The following KMT2C variants were observed in gnomAD, a reference collection of about 807,000 sequenced individuals.
KMT2C encodes lysine methyltransferase 2C.
A neutral mutation model predicts 507.9 loss-of-function variants in KMT2C; 88 were observed. That is an observed-to-expected ratio of 0.17 (90% confidence interval 0.15 to 0.21). The LOEUF is 0.21. Among genes scored for constraint, KMT2C ranks in the 10% least tolerant of loss-of-function variants. The pLI, the probability that KMT2C is intolerant of heterozygous loss-of-function variation, is 1.00. For missense variants in KMT2C, 4,954 were observed against 5,957.8 expected (o/e 0.83, Z 5.55); for synonymous variants, 2,049 against 2,080.8 (o/e 0.98, Z 0.42).
chr7:152,325,349 A>G (rs899169532), intron 3 of KMT2C, among the ~76,000 whole-genome samples: 2 of 151,942 alleles, frequency 1.3e-5, no homozygotes, highest in African/African-American at 2.4e-5. Flanking sequence ...GGGTTTCACC[A>G]TGTTGGCCAG....
intron 1 of KMT2C, among the ~76,000 whole-genome samples, chr7:152,417,934 G>A (rs1159964547): frequency 5.7e-5 from 7 of 122,782 alleles, no homozygotes; most frequent in African/African-American, 7.1e-5. Flanking sequence ...GAGCCACCGC[G>A]CCCACCCTCT....
chr7:152,181,828 G>A lies in KMT2C; in HGVS notation c.6032C>T (p.Ser2011Phe), dbSNP rs1236095935. ...TCTTTGAAACACATCTGCCCTAGGA[G>A]ATGGTTTAGTAAAGTGATCACTGGT... ...AGTSDHFTKP[S>F]PRADVFQRQR... The change falls in exon 36 of 59, where the codon TCT becomes TTT. Residue 2011 changes from serine (S) to phenylalanine (F), a missense_variant. Around this residue, in one of 29 missense-constraint regions of KMT2C, gnomAD observed 1,689 missense variants for 1,654.3 expected, o/e 1.02. Transcript: ENST00000262189. The A allele has an allele frequency of 2.5e-6, 4 of 1,614,044 alleles. No homozygotes were observed. Among genetic ancestry groups the A allele is most frequent in the Non-Finnish European group, 3.4e-6 (4 of 1,180,038 alleles).
rs770862873 is a variant in KMT2C at position 152,358,666 on chromosome 7, ACTT to A, written c.168_170del (p.Ser57del). On this transcript the variant is annotated inframe_deletion, in exon 2 of 59. Transcript: ENST00000262189. ...CATCTTCCACTGCAGTTTTCCCCCT[ACTT>A]CGAGGTCTACAGAAAAAAAAAAAAA... 1 of 1,591,242 alleles carries A rather than the reference ACTT, an allele frequency of 6.3e-7. No individual in the cohort carries two copies. Among genetic ancestry groups the A allele is most frequent in the South Asian group, 1.1e-5 (1 of 88,434 alleles).
intron 3 of KMT2C, among the ~76,000 whole-genome samples, chr7:152,315,847 A>G (rs2096718211): frequency 6.6e-6 from 1 of 152,112 alleles, no homozygotes; most frequent in Non-Finnish European, 1.5e-5. Context: ...CGGGAGGTAG[A>G]GGTTGTAGTA....
At chr7:152,263,855 C>T (rs113317719) in intron 8 of KMT2C, among the ~76,000 whole-genome samples, 1 of 152,064 alleles carries the variant, frequency 6.6e-6, no homozygotes, top group Admixed American at 6.5e-5. Flanking sequence ...TGACTATAAT[C>T]ACTTTCAGAT....
At chr7:152,398,405 T>G (rs1290802286) in intron 1 of KMT2C, among the ~76,000 whole-genome samples, 12 of 152,126 alleles carry the variant, frequency 7.9e-5, no homozygotes, top group Non-Finnish European at 1.5e-4. Flanking sequence ...CGATATAAAT[T>G]AAATGATCCC....
intron 52 of KMT2C, among the ~76,000 whole-genome samples, chr7:152,147,567 C>CATG (rs1229397826): frequency 4.6e-5 from 7 of 151,610 alleles, no homozygotes; most frequent in Non-Finnish European, 5.9e-5. Flanking sequence ...ATTAGCCGGG[C>CATG]ATGGTAGCGC....
intron 6 of KMT2C, among the ~76,000 whole-genome samples, chr7:152,309,581 G>A (rs563992825): frequency 4.3e-5 from 6 of 138,310 alleles, no homozygotes; most frequent in Non-Finnish European, 7.6e-5. Flanking sequence ...GTGCAATGGC[G>A]CAATCTTGGC....
At chr7:152,316,286 C>T (rs2096722372) in intron 3 of KMT2C, among the ~76,000 whole-genome samples, 1 of 152,044 alleles carries the variant, frequency 6.6e-6, no homozygotes, top group Non-Finnish European at 1.5e-5. Context: ...ATAATGTATC[C>T]ATATTGGTTT....
At chr7:152,309,761 TCCAC>T (rs1421662783) in intron 6 of KMT2C, among the ~76,000 whole-genome samples, 1 of 152,038 alleles carries the variant, frequency 6.6e-6, no homozygotes, top group Non-Finnish European at 1.5e-5. Flanking sequence ...CATCAAGTGA[TCCAC>T]CCACCTCGGC....
chr7:152,151,456 T>A lies in KMT2C; in HGVS notation c.12652A>T (p.Thr4218Ser). The change falls in exon 50 of 59, where the codon ACC becomes TCC. Residue 4218 changes from threonine to serine, a missense_variant. Transcript: ENST00000262189. ...SGVRKSFKDL[T>S]LLNKDSREST... The stretch of plus-strand genomic sequence containing the variant: ...TAGCAAAGTACCTTGTTCAAAAGGG[T>A]CAGATCTTTGAAAGATTTCCGCACA... 1 of 1,614,034 alleles carries A rather than the reference T, an allele frequency of 6.2e-7. No individual in the cohort carries two copies. The highest frequency in any genetic ancestry group is 1.3e-5 in the African/African-American group (1 of 75,038).
intron 1 of KMT2C, among the ~76,000 whole-genome samples, chr7:152,428,775 A>G (rs752842894): frequency 2.0e-5 from 3 of 152,154 alleles, no homozygotes; most frequent in Non-Finnish European, 2.9e-5. Flanking sequence ...GACTTCCCCA[A>G]GGCTGTTATT....
chr7:152,367,081 C>T, intron 1 of KMT2C: 2 of 756,484 alleles, frequency 2.6e-6, no homozygotes, highest in South Asian at 1.6e-5. Flanking sequence ...GAACTCTGTG[C>T]TGCATTTTTA....
intron 3 of KMT2C, among the ~76,000 whole-genome samples, chr7:152,321,633 G>A (rs1323203176): frequency 1.3e-5 from 2 of 151,900 alleles, no homozygotes; most frequent in East Asian, 3.9e-4. Context: ...AACAGCAAAC[G>A]ATCCTAAAAG....
rs1050950636 is a variant in KMT2C at position 152,136,765 on chromosome 7, T to A, written c.*67A>T. The A allele has an allele frequency of 6.3e-6, 7 of 1,102,622 alleles. No homozygotes were observed. In the African/African-American group the frequency reaches 1.1e-4, roughly 17 times the overall value. The allele number at this position is 1,102,622 out of a possible 1,614,324, so 68.3% of individuals were successfully genotyped here. A position where few individuals can be genotyped will look rare whatever the true frequency, so the allele number is the denominator to read the frequency against. ...AAAAATCTCTTTCTGTCTGCAAAAT[T>A]CCAATGGTGTGTTGAATCGCCTCTT... On this transcript the variant is annotated 3_prime_UTR_variant, in exon 59 of 59. Transcript: ENST00000262189.
intron 14 of KMT2C, among the ~76,000 whole-genome samples, chr7:152,244,041 C>T (rs1192390035): frequency 6.6e-6 from 1 of 152,066 alleles, no homozygotes; most frequent in African/African-American, 2.4e-5. Context: ...TACAACTGTG[C>T]AATGAGAGAA....
At position 152,259,565 on chromosome 7, in the gene KMT2C, G is replaced by A. The variant is rs557864463; in HGVS notation, c.1299+3451C>T. Reference sequence around the variant, plus strand: ...ATAAATCTAAGTAAATGCGACATGGGTATTATTTTTATTTTCTCCAACTTT... The same window carrying A: ...ATAAATCTAAGTAAATGCGACATGGATATTATTTTTATTTTCTCCAACTTT... On this transcript the variant is annotated intron_variant, in intron 9 of 58. Transcript: ENST00000262189. Among the ~76,000 whole-genome samples the A allele has an allele frequency of 2.0e-5, 3 of 151,842 alleles. No individual in the cohort carries two copies. In the South Asian group the frequency reaches 6.2e-4, roughly 32 times the overall value.
intron 2 of KMT2C, among the ~76,000 whole-genome samples, chr7:152,356,788 G>A (rs1210757410): frequency 6.6e-6 from 1 of 151,152 alleles, no homozygotes; most frequent in South Asian, 2.1e-4. Flanking sequence ...CCAGGAGGGA[G>A]ACTGAGGCAG....
At position 152,201,526 on chromosome 7, in the gene KMT2C, G is replaced by A. The variant is rs532975531; in HGVS notation, c.4092+1408C>T. On this transcript the variant is annotated intron_variant, in intron 26 of 58. Transcript: ENST00000262189. Reference sequence around the variant, plus strand: ...TTACACTTTACAGAAGGATCAATAGGAGGAAAAGTAGGTTGCCATCACAAT... The same window carrying A: ...TTACACTTTACAGAAGGATCAATAGAAGGAAAAGTAGGTTGCCATCACAAT... 6.0e-5 allele frequency among the ~76,000 whole-genome samples: 9 copies of A among 149,056 alleles called. No homozygotes were observed. In the South Asian group the frequency reaches 1.9e-3, roughly 32 times the overall value.
Sources: allele counts gnomAD v4.1 joint callset (sites outside exome capture counted in the v4.1 genomes callset), GRCh38; gene constraint gnomAD v4.1.1; regional missense constraint gnomAD v4.1.1; transcripts MANE v1.5; gene names NCBI Gene and HGNC (gene_info 2026-07-23, HGNC 2026-07-21).